The following DRD1 variants were observed in gnomAD, a reference collection of about 807,000 sequenced individuals.
The protein encoded by DRD1 is dopamine receptor D1.
In DRD1, 2 loss-of-function variants were observed where a neutral mutation model predicts 23.8. The observed-to-expected ratio is 0.08, with a 90% CI of 0.03 to 0.26. The LOEUF (loss-of-function observed/expected upper bound fraction) is 0.26, where lower values mean the gene tolerates loss of function less well. Among genes scored for constraint, DRD1 ranks in the 10% least tolerant of loss-of-function variants. The pLI, the probability that DRD1 is intolerant of heterozygous loss-of-function variation, is 1.00. For synonymous variants in DRD1, 218 were observed against 225.7 expected, an observed-to-expected ratio of 0.97 and a Z score of 0.30; for missense variants, 376 against 559.0, an observed-to-expected ratio of 0.67 and a Z score of 3.30.
chr5:175,440,947 C>T lies in DRD1; in HGVS notation c.*812G>A, dbSNP rs1758508496. On this transcript the variant is annotated 3_prime_UTR_variant, in exon 2 of 2. Transcript: ENST00000393752. ...AAAAGAAAGCATTTATAGCATTTGT[C>T]AATTCTCACCTTGCATTTATCTGTG... is the stretch of plus-strand genomic sequence containing the variant. 2 of 152,546 alleles carry T rather than the reference C, an allele frequency of 1.3e-5. No homozygotes were observed. The highest frequency in any genetic ancestry group is 1.3e-4 in the Admixed American group (2 of 15,280). 9.4% of individuals were successfully genotyped at this position (152,546 alleles called of 1,614,324 possible).
Position 175,441,624 on chromosome 5 carries a change from T to C in DRD1, c.*135A>G. Reference sequence around the variant, plus strand: ...GAATGTATTTGGAAACGGAGTTAATTGTGTGTTGGAAAGCAGCAGAGGGCT... The same window carrying C: ...GAATGTATTTGGAAACGGAGTTAATCGTGTGTTGGAAAGCAGCAGAGGGCT... On this transcript the variant is annotated 3_prime_UTR_variant, in exon 2 of 2. Coordinates refer to ENST00000393752, the MANE Select transcript of DRD1 (RefSeq NM_000794.5). 2 of 1,101,412 alleles carry C rather than the reference T, an allele frequency of 1.8e-6. No homozygotes were observed. Among genetic ancestry groups the C allele is most frequent in the South Asian group, 1.7e-5 (1 of 57,556 alleles). The allele number at this position is 1,101,412 out of a possible 1,614,324, so 68.2% of individuals were successfully genotyped here.
At position 175,442,844 on chromosome 5, in the gene DRD1, T is replaced by C; in HGVS notation, c.256A>G (p.Ile86Val). ...GACCCAAAGGGCCAGAAGCCAGCAA[T>C]CTCAGCCACTGCCTTCCAGGGCATG... ...LVMPWKAVAE[I>V]AGFWPFGSFC... The change falls in exon 2 of 2, where the codon ATT (isoleucine) becomes GTT (valine). Residue 86 changes from isoleucine to valine, a missense_variant. Physicochemically the swap from Ile to Val is conservative, Grantham distance 29. Transcript: ENST00000393752. This position sits in a 1 kb window ranked among gnomAD's most constrained non-coding sequence, Gnocchi z 7.3. 6.2e-7 allele frequency: 1 copy of C among 1,613,810 alleles called. No homozygotes were observed. Among genetic ancestry groups the C allele is most frequent in the South Asian group, 1.1e-5 (1 of 91,036 alleles).
chr5:175,443,286 C>A lies in DRD1; in HGVS notation c.-187G>T, dbSNP rs1310581795. ...CGCTTGAGTGGCAATCCAAGTCAAT[C>A]CCGTGGATGGTCACTCTTGATTTCT... On this transcript the variant is annotated 5_prime_UTR_variant, in exon 2 of 2. Coordinates refer to ENST00000393752, the MANE Select transcript of DRD1 (RefSeq NM_000794.5). 1.4e-6 allele frequency: 1 copy of A among 693,210 alleles called. No individual in the cohort carries two copies. 42.9% of individuals were successfully genotyped at this position (693,210 alleles called of 1,614,324 possible). A position where few individuals can be genotyped will look rare whatever the true frequency, so the allele number is the denominator to read the frequency against.
chr5:175,440,882 A>G lies in DRD1; in HGVS notation c.*877T>C, dbSNP rs1758507647. The G allele has an allele frequency of 6.6e-6, 1 of 152,572 alleles. No individual in the cohort carries two copies. Among genetic ancestry groups the G allele is most frequent in the South Asian group, 2.1e-4 (1 of 4,838 alleles). The allele number at this position is 152,572 out of a possible 1,614,324, so 9.5% of individuals were successfully genotyped here. A position where few individuals can be genotyped will look rare whatever the true frequency, so the allele number is the denominator to read the frequency against. On this transcript the variant is annotated 3_prime_UTR_variant, in exon 2 of 2. Coordinates refer to ENST00000393752, the MANE Select transcript of DRD1 (RefSeq NM_000794.5). ...TCATTTAAAACGTTTTGAACACAGT[A>G]GTAGCTATACTTTTTTAAATTTTTC...
chr5:175,442,913 C>T lies in DRD1; in HGVS notation c.187G>A (p.Val63Ile). The T allele has an allele frequency of 1.9e-6, 3 of 1,613,970 alleles. No individual in the cohort carries two copies. Among genetic ancestry groups the T allele is most frequent in the South Asian group, 1.1e-5 (1 of 91,044 alleles). Residue 63 changes from valine (V) to isoleucine (I), a missense_variant, in exon 2 of 2, where the codon GTC becomes ATC. Val to Ile is a conservative substitution (Grantham distance 29). Transcript: ENST00000393752. The surrounding 1 kb of genome is among the most constrained non-coding windows in gnomAD (Gnocchi z 7.3). ...HLRSKVTNFFVISLAVSDLLV... is the reference protein window; with the variant it reads ...HLRSKVTNFFIISLAVSDLLV... Reference sequence around the variant, plus strand: ...AGATCTGACACAGCCAAGGAGATGACAAAGAAGTTGGTCACCTTGGACCGC... The same window carrying T: ...AGATCTGACACAGCCAAGGAGATGATAAAGAAGTTGGTCACCTTGGACCGC...
chr5:175,441,081 T>C lies in DRD1; in HGVS notation c.*678A>G, dbSNP rs549126059. ...TTAGAATCTCACAGAGTCTGTGTGT[T>C]TGCTTCATTGGCTTATAAAGTGCTA... is the stretch of plus-strand genomic sequence containing the variant. On this transcript the variant is annotated 3_prime_UTR_variant, in exon 2 of 2. Transcript: ENST00000393752. 1.9e-4 allele frequency: 29 copies of C among 152,698 alleles called. No homozygotes were observed. The highest frequency in any genetic ancestry group is 7.0e-4 in the African/African-American group (29 of 41,572). The allele number at this position is 152,698 out of a possible 1,614,324, so 9.5% of individuals were successfully genotyped here. A position where few individuals can be genotyped will look rare whatever the true frequency, so the allele number is the denominator to read the frequency against.
rs1758571773 is a variant in DRD1 at position 175,444,068 on chromosome 5, C to T, written c.-853G>A. 6.6e-6 allele frequency: 1 copy of T among 152,496 alleles called. No homozygotes were observed. The highest frequency in any genetic ancestry group is 1.9e-4 in the East Asian group (1 of 5,190). 9.4% of individuals were successfully genotyped at this position (152,496 alleles called of 1,614,324 possible). On this transcript the variant is annotated 5_prime_UTR_variant, in exon 1 of 2. Coordinates refer to ENST00000393752, the MANE Select transcript of DRD1 (RefSeq NM_000794.5). The stretch of plus-strand genomic sequence containing the variant: ...GCCCAGAGCCTTGGCGAACCTCGGG[C>T]GGCCTTCAGCCCTACAGAGCAGGGC...
Position 175,442,445 on chromosome 5 carries a change from T to C in DRD1, c.655A>G (p.Arg219Gly). 6.2e-7 allele frequency: 1 copy of C among 1,614,228 alleles called. No individual in the cohort carries two copies. Among genetic ancestry groups the C allele is most frequent in the Non-Finnish European group, 8.5e-7 (1 of 1,180,034 alleles). ...CGCCGTATTTGTTTCTGAGCAATCC[T>C]GTAGATCCTGGTGTAGGTGACAATC... ...IMIVTYTRIYRIAQKQIRRIA... is the reference protein window; with the variant it reads ...IMIVTYTRIYGIAQKQIRRIA... The change falls in exon 2 of 2, where the codon AGG becomes GGG. Residue 219 changes from arginine to glycine, a missense_variant. Around this residue, in one of 5 missense-constraint regions of DRD1, gnomAD observed 121 missense variants for 239.4 expected, o/e 0.51. Coordinates refer to ENST00000393752, the MANE Select transcript of DRD1 (RefSeq NM_000794.5). The surrounding 1 kb of genome is among the most constrained non-coding windows in gnomAD (Gnocchi z 7.3).
chr5:175,442,559 C>T lies in DRD1; in HGVS notation c.541G>A (p.Glu181Lys). The T allele has an allele frequency of 6.2e-7, 1 of 1,614,194 alleles. No individual in the cohort carries two copies. The highest frequency in any genetic ancestry group is 8.5e-7 in the Non-Finnish European group (1 of 1,180,042). ...CTGGAGTCACAGTTGTCTATGGTCT[C>T]AGCCAGGGAAGTGGCATTTCCATCA... The part of the protein sequence containing the change: ...PSDGNATSLA[E>K]TIDNCDSSLS... Residue 181 changes from glutamate (E) to lysine (K), a missense_variant, in exon 2 of 2, where the codon GAG becomes AAG. By Grantham distance (56) the Glu-to-Lys change is moderately conservative. Around this residue, in one of 5 missense-constraint regions of DRD1, gnomAD observed 121 missense variants for 239.4 expected, o/e 0.51. Transcript: ENST00000393752. The surrounding 1 kb of genome is among the most constrained non-coding windows in gnomAD (Gnocchi z 7.3).
Position 175,442,342 on chromosome 5 carries a change from C to G in DRD1, c.758G>C (p.Cys253Ser). ...CTTAAAAGAACTTTCCGGTTGAGAA[C>G]ATTCGACAGGCTTTCCATTACCTGT... is the stretch of plus-strand genomic sequence containing the variant. ...TTTGNGKPVE[C>S]SQPESSFKMS... Residue 253 changes from cysteine (C) to serine (S), a missense_variant, in exon 2 of 2, where the codon TGT becomes TCT. By Grantham distance (112) the Cys-to-Ser change is moderately radical. This residue lies in a region of DRD1 where 44 missense variants were observed against 46.7 expected (regional missense o/e 0.94). Transcript: ENST00000393752. The surrounding 1 kb of genome is among the most constrained non-coding windows in gnomAD (Gnocchi z 7.3). 2 of 1,614,136 alleles carry G rather than the reference C, an allele frequency of 1.2e-6. No homozygotes were observed.
chr5:175,440,250 AC>A lies in DRD1; in HGVS notation c.*1508del, dbSNP rs141003685. On this transcript the variant is annotated 3_prime_UTR_variant, in exon 2 of 2. Transcript: ENST00000393752. ...CAAAGAAACTCTGTTGAAATGCCCC[AC>A]GAGTTGGCATCTGGCAAGGGAGGCT... is the stretch of plus-strand genomic sequence containing the variant. 2.9e-3 allele frequency: 440 copies of A among 152,268 alleles called. 5 individuals carry two copies. The highest frequency in any genetic ancestry group is 9.8e-3 in the African/African-American group (408 of 41,544). 9.4% of individuals were successfully genotyped at this position (152,268 alleles called of 1,614,324 possible). A position where few individuals can be genotyped will look rare whatever the true frequency, so the allele number is the denominator to read the frequency against.
In DRD1 at chr5:175,442,630, A is replaced by G; in HGVS notation, c.470T>C (p.Ile157Thr). 3 of 1,613,934 alleles carry G rather than the reference A, an allele frequency of 1.9e-6. No homozygotes were observed. Among genetic ancestry groups the G allele is most frequent in the South Asian group, 2.2e-5 (2 of 91,062 alleles). Residue 157 changes from isoleucine to threonine, a missense_variant, in exon 2 of 2, where the codon ATC (isoleucine) becomes ACC (threonine). Ile to Thr is a moderately conservative substitution (Grantham distance 89, BLOSUM62 -1). Around this residue, in one of 5 missense-constraint regions of DRD1, gnomAD observed 121 missense variants for 239.4 expected, o/e 0.51. Transcript: ENST00000393752. The surrounding 1 kb of genome is among the most constrained non-coding windows in gnomAD (Gnocchi z 7.3). ...CTTGTGCCAGCTGAGCTGCACTGGG[A>G]TGAAGGAGATGAGTACAGACAAGGT... ...AWTLSVLISF[I>T]PVQLSWHKAK...
rs755465400 is a variant in DRD1, at chr5:175,441,912, G to A, written c.1188C>T (p.Gly396=). ...CCTCCTTTTTCAGGTCCTCAGAGGA[G>A]CCCACAGCATGTGGGATCAGGTAAA... ...NLVYLIPHAV[G]SSEDLKKEEA... The change falls in exon 2 of 2, where the codon GGC becomes GGT. Residue 396 remains glycine, a synonymous_variant. Transcript: ENST00000393752. 5.0e-6 allele frequency: 8 copies of A among 1,614,186 alleles called. No individual in the cohort carries two copies. Among genetic ancestry groups the A allele is most frequent in the South Asian group, 1.1e-5 (1 of 91,088 alleles).
In DRD1 at chr5:175,441,942, A is replaced by G. The variant is rs1758526731; in HGVS notation, c.1158T>C (p.Asn386=). The change falls in exon 2 of 2, where the codon AAT becomes AAC. Residue 386 remains asparagine (N), a synonymous_variant. Transcript: ENST00000393752. The stretch of plus-strand genomic sequence containing the variant: ...CAGCATGTGGGATCAGGTAAACCAG[A>G]TTGCACTCCTTGGAGATGGAGCCTC... ...EPRGSISKEC[N]LVYLIPHAVG... The G allele has an allele frequency of 6.2e-7, 1 of 1,614,094 alleles. No individual in the cohort carries two copies. Among genetic ancestry groups the G allele is most frequent in the Non-Finnish European group, 8.5e-7 (1 of 1,180,020 alleles).
Position 175,443,691 on chromosome 5 carries a change from C to G in DRD1, c.-484+8G>C, listed in dbSNP as rs1445528984. 1 of 153,366 alleles carries G rather than the reference C, an allele frequency of 6.5e-6. No individual in the cohort carries two copies. Among genetic ancestry groups the G allele is most frequent in the Non-Finnish European group, 1.5e-5 (1 of 68,672 alleles). The allele number at this position is 153,366 out of a possible 1,614,324, so 9.5% of individuals were successfully genotyped here. ...AATTCCCAGGGCGAGCCCGTCCGAG[C>G]CACCTACCTTGCCTTGGGGTCGTCT... On this transcript the variant is annotated splice_region_variant and intron_variant, in intron 1 of 1. Transcript: ENST00000393752.
Position 175,442,833 on chromosome 5 carries a change from GA to G in DRD1, c.266del (p.Phe89SerfsTer28). 1 of 1,614,174 alleles carries G rather than the reference GA, an allele frequency of 6.2e-7. No homozygotes were observed. The highest frequency in any genetic ancestry group is 8.5e-7 in the Non-Finnish European group (1 of 1,180,042). ...TGTTACAGAAGGACCCAAAGGGCCAGAAGCCAGCAATCTCAGCCACTGCCTT... is the reference window on the plus strand; with the variant it reads ...TGTTACAGAAGGACCCAAAGGGCCAGAGCCAGCAATCTCAGCCACTGCCTT... Reference protein sequence around the residue: ...PWKAVAEIAGFWPFGSFCNIW... With the variant: ...PWKAVAEIAGXWPFGSFCNIW... On this transcript the variant is annotated frameshift_variant, in exon 2 of 2. Transcript: ENST00000393752. LOFTEE classifies it high-confidence loss of function. This position sits in a 1 kb window ranked among gnomAD's most constrained non-coding sequence, Gnocchi z 7.3.
In DRD1 at chr5:175,442,412, C is replaced by A; in HGVS notation, c.688G>T (p.Ala230Ser). Residue 230 changes from alanine (A) to serine (S), a missense_variant, in exon 2 of 2, where the codon GCC becomes TCC. Ala to Ser is a moderately conservative substitution (Grantham distance 99). This residue lies in a region of DRD1 where 44 missense variants were observed against 46.7 expected (regional missense o/e 0.94). Coordinates refer to ENST00000393752, the MANE Select transcript of DRD1 (RefSeq NM_000794.5). The surrounding 1 kb of genome is among the most constrained non-coding windows in gnomAD (Gnocchi z 7.3). The stretch of plus-strand genomic sequence containing the variant: ...GCGTGGACTGCTGCCCTCTCCAAGG[C>A]CGCAATGCGCCGTATTTGTTTCTGA... ...IAQKQIRRIA[A>S]LERAAVHAKN... The A allele has an allele frequency of 6.2e-7, 1 of 1,614,192 alleles. No homozygotes were observed.
chr5:175,441,975 A>T lies in DRD1; in HGVS notation c.1125T>A (p.His375Gln). 1.2e-6 allele frequency: 2 copies of T among 1,614,226 alleles called. No homozygotes were observed. Among genetic ancestry groups the T allele is most frequent in the South Asian group, 1.1e-5 (1 of 91,082 alleles). Reference protein sequence around the residue: ...NNGAAMFSSHHEPRGSISKEC... With the variant: ...NNGAAMFSSHQEPRGSISKEC... ...CCTTGGAGATGGAGCCTCGTGGCTC[A>T]TGATGGCTGGAAAACATCGCGGCCC... is the stretch of plus-strand genomic sequence containing the variant. The change falls in exon 2 of 2, where the codon CAT (histidine) becomes CAA (glutamine). Residue 375 changes from histidine (H) to glutamine (Q), a missense_variant. Around this residue, in one of 5 missense-constraint regions of DRD1, gnomAD observed 117 missense variants for 126.9 expected, o/e 0.92. Coordinates refer to ENST00000393752, the MANE Select transcript of DRD1 (RefSeq NM_000794.5).
Position 175,441,209 on chromosome 5 carries a change from A to T in DRD1, c.*550T>A, listed in dbSNP as rs925803036. The T allele has an allele frequency of 6.6e-6, 1 of 151,884 alleles. No homozygotes were observed. The highest frequency in any genetic ancestry group is 2.4e-5 in the African/African-American group (1 of 41,388). 9.4% of individuals were successfully genotyped at this position (151,884 alleles called of 1,614,324 possible). On this transcript the variant is annotated 3_prime_UTR_variant, in exon 2 of 2. Coordinates refer to ENST00000393752, the MANE Select transcript of DRD1 (RefSeq NM_000794.5). ...ATTTATTATATCATAAATTAAAAAT[A>T]TCCATATATACAATAAATAAATAGA...
Sources: allele counts gnomAD v4.1 joint callset, GRCh38; gene constraint gnomAD v4.1.1; regional missense constraint gnomAD v4.1.1; non-coding constraint Gnocchi (gnomAD v3.1); transcripts MANE v1.5; gene names NCBI Gene and HGNC (gene_info 2026-07-23, HGNC 2026-07-21).